SNX17: variants seen among roughly 807,000 people sequenced by gnomAD.
SNX17 encodes the protein sorting nexin 17, also known as sorting nexin-17.
In SNX17, 35 loss-of-function variants were observed where a neutral mutation model predicts 64.3. The observed-to-expected ratio is 0.54, with a 90% CI of 0.42 to 0.72. The LOEUF is 0.72. Among genes scored for constraint, SNX17 ranks in the 30% least tolerant of loss-of-function variants. The pLI, the probability that SNX17 is intolerant of heterozygous loss-of-function variation, is 0.00. For missense variants in SNX17, 538 were observed against 610.0 expected (o/e 0.88, Z 1.24); for synonymous variants, 259 against 230.2 (o/e 1.13, Z -1.13).
In SNX17 at chr2:27,371,645, G is replaced by C. The variant is rs1401578219; in HGVS notation, c.138+302G>C. The C allele has an allele frequency of 2.2e-5, 6 of 277,790 alleles. No individual in the cohort carries two copies. In the East Asian group the frequency reaches 4.4e-4, roughly 20 times the overall value. 17.2% of individuals were successfully genotyped at this position (277,790 alleles called of 1,614,324 possible). Reference sequence around the variant, plus strand: ...CCCCTCCCCCCACTACCTCCACCCAGGCTGTCAAAGCACATTCCTTCTGTC... The same window carrying C: ...CCCCTCCCCCCACTACCTCCACCCACGCTGTCAAAGCACATTCCTTCTGTC... On this transcript the variant is annotated intron_variant, in intron 2 of 14. Transcript: ENST00000233575.
Position 27,373,255 on chromosome 2 carries a change from G to A in SNX17, c.265G>A (p.Asp89Asn). Reference protein sequence around the residue: ...LEKYMQAVRQDPLLGSSETFN... With the variant: ...LEKYMQAVRQNPLLGSSETFN... ...TTCTCTTGTCCTCGTAGTTCGGCAA[G>A]ACCCATTGCTTGGGAGCAGCGAGAC... Residue 89 changes from aspartate (D) to asparagine (N), a missense_variant, in exon 4 of 15, where the codon GAC becomes AAC. Coordinates refer to ENST00000233575, the MANE Select transcript of SNX17 (RefSeq NM_014748.4). 6.2e-7 allele frequency: 1 copy of A among 1,614,226 alleles called. No homozygotes were observed. Among genetic ancestry groups the A allele is most frequent in the Non-Finnish European group, 8.5e-7 (1 of 1,180,040 alleles).
rs1683273085 is a variant in SNX17 at position 27,376,606 on chromosome 2, A to G, written c.1300A>G (p.Ser434Gly). ...ATRESMVKLSSKLSAVSLRGI... is the reference protein window; with the variant it reads ...ATRESMVKLSGKLSAVSLRGI... ...TGACCCCACCCTGCCTTTGTTACAG[A>G]GTAAGCTGAGTGCCGTGAGCTTGCG... The change falls in exon 15 of 15, where the codon AGT becomes GGT. Residue 434 changes from serine to glycine, a missense_variant and splice_region_variant. Physicochemically the swap from Ser to Gly is moderately conservative, Grantham distance 56. Around this residue, in one of 3 missense-constraint regions of SNX17, gnomAD observed 505 missense variants for 550.4 expected, o/e 0.92. Transcript: ENST00000233575. 1 of 1,614,048 alleles carries G rather than the reference A, an allele frequency of 6.2e-7. No homozygotes were observed. The highest frequency in any genetic ancestry group is 1.3e-5 in the African/African-American group (1 of 74,932).
intron 3 of SNX17, 61 bp downstream of exon 3, chr2:27,372,801 C>G: frequency 6.3e-7 from 1 of 1,599,472 alleles, no homozygotes; most frequent in East Asian, 2.2e-5. Context: ...GACTTAAAAA[C>G]AGCTGGTTCT....
rs1322845723 is a variant in SNX17 at position 27,377,082 on chromosome 2, G to C, written c.*363G>C. On this transcript the variant is annotated 3_prime_UTR_variant, in exon 15 of 15. Transcript: ENST00000233575. This position sits in a 1 kb window ranked among gnomAD's most constrained non-coding sequence, Gnocchi z 4.4. The stretch of plus-strand genomic sequence containing the variant: ...AGGGGATGGGCAGAGGTCTGTGTTT[G>C]GTCTGGCCCAGTTCCCCATCATTAA... 3 of 405,680 alleles carry C rather than the reference G, an allele frequency of 7.4e-6. No individual in the cohort carries two copies. In the Admixed American group the frequency reaches 1.1e-4, roughly 15 times the overall value. 25.1% of individuals were successfully genotyped at this position (405,680 alleles called of 1,614,324 possible).
chr2:27,372,803 G>A (rs749875668), intron 3 of SNX17, 63 bp downstream of exon 3: 146 of 1,598,520 alleles, frequency 9.1e-5, no homozygotes, highest in Non-Finnish European at 1.2e-4. Flanking sequence ...CTTAAAAACA[G>A]CTGGTTCTGT....
At chr2:27,373,716 T>C in intron 4 of SNX17, 145 bp from the exon 5 acceptor site, 1 of 644,090 alleles carries the variant, frequency 1.6e-6, no homozygotes, top group Non-Finnish European at 2.8e-6. Context: ...GAATGGAACT[T>C]CTATTCTTAT....
At chr2:27,373,391 CT>C in intron 4 of SNX17, 80 bp downstream of exon 4, 1 of 1,479,008 alleles carries the variant, frequency 6.8e-7, no homozygotes, top group South Asian at 1.2e-5. Flanking sequence ...GAGACAGAGT[CT>C]TGCTCTTTTG....
chr2:27,370,687 G>T lies in SNX17; in HGVS notation c.-57G>T. On this transcript the variant is annotated 5_prime_UTR_variant, in exon 1 of 15. Transcript: ENST00000233575. ...TCGCTGAGCAGCGGAGGGGGAGCGT[G>T]CAGAGCCGCTGCGGCCCTCACAGTC... The T allele has an allele frequency of 6.6e-7, 1 of 1,509,398 alleles. No individual in the cohort carries two copies. The highest frequency in any genetic ancestry group is 8.9e-7 in the Non-Finnish European group (1 of 1,122,576). 93.5% of individuals were successfully genotyped at this position (1,509,398 alleles called of 1,614,324 possible).
intron 8 of SNX17, 87 bp from the exon 9 acceptor site, chr2:27,374,974 G>T: frequency 7.9e-7 from 1 of 1,258,710 alleles, no homozygotes; most frequent in Non-Finnish European, 1.2e-6. Context: ...TGGGGCTAGG[G>T]GTCAGGCTGG....
In SNX17 at chr2:27,377,414, G is replaced by GC. The variant is rs765209450; in HGVS notation, c.*702dup. On this transcript the variant is annotated 3_prime_UTR_variant, in exon 15 of 15. Coordinates refer to ENST00000233575, the MANE Select transcript of SNX17 (RefSeq NM_014748.4). This position sits in a 1 kb window ranked among gnomAD's most constrained non-coding sequence, Gnocchi z 4.4. ...AGGCAAGGTCCCCTGGTCCATATGG[G>GC]CCCCCCCGCCCATGGGGTTGGGCTG... The GC allele has an allele frequency of 3.2e-5, 32 of 1,010,792 alleles. No homozygotes were observed. Among genetic ancestry groups the GC allele is most frequent in the African/African-American group, 9.5e-5 (6 of 63,042 alleles). The allele number at this position is 1,010,792 out of a possible 1,614,324, so 62.6% of individuals were successfully genotyped here.
In SNX17 at chr2:27,374,901, A is replaced by G. The variant is rs1683009407; in HGVS notation, c.681+143A>G. ...TATCAGTGCTGCTGGCACAATATCT[A>G]CTCTCCCTACTTTTATTAAGCTGAC... On this transcript the variant is annotated intron_variant, in intron 8 of 14. Transcript: ENST00000233575. The G allele has an allele frequency of 4.2e-6, 4 of 955,606 alleles. No homozygotes were observed. In the East Asian group the frequency reaches 1.0e-4, roughly 24 times the overall value. 59.2% of individuals were successfully genotyped at this position (955,606 alleles called of 1,614,324 possible).
At chr2:27,370,836 G>GGGCAGGGGCGGGGATAACGGGCCC in intron 1 of SNX17, 30 bp downstream of exon 1, 38 of 1,532,184 alleles carry the variant, frequency 2.5e-5, no homozygotes, top group Non-Finnish European at 3.3e-5. Flanking sequence ...GAGCCGGGCC[G>GGGCAGGGGCGGGGATAACGGGCCC]GGCAGGGGCG....
At chr2:27,371,527 C>A in intron 2 of SNX17, 184 bp downstream of exon 2, 1 of 1,262,974 alleles carries the variant, frequency 7.9e-7, no homozygotes, top group Non-Finnish European at 1.0e-6. Context: ...AGCTTAATGT[C>A]CGCGCAACAA....
At chr2:27,372,954 T>G in intron 3 of SNX17, 1 of 1,332,442 alleles carries the variant, frequency 7.5e-7, no homozygotes, top group Non-Finnish European at 1.1e-6. Flanking sequence ...TGAGAAATAC[T>G]AGTATAACAC....
intron 2 of SNX17, among the ~76,000 whole-genome samples, 192 bp from the exon 3 acceptor site, chr2:27,372,431 A>T (rs1218420225): frequency 6.6e-6 from 1 of 152,186 alleles, no homozygotes; most frequent in East Asian, 1.9e-4. Flanking sequence ...ATAGAGCACA[A>T]CTTATATCTA....
chr2:27,370,627 A>G lies in SNX17; in HGVS notation c.-117A>G. ...CCACCGCCTTCCCACATCGGATCGCAGGGCTCCCAAAATGGCGAGTGAGGC... is the reference window on the plus strand; with the variant it reads ...CCACCGCCTTCCCACATCGGATCGCGGGGCTCCCAAAATGGCGAGTGAGGC... On this transcript the variant is annotated 5_prime_UTR_variant, in exon 1 of 15. Transcript: ENST00000233575. 1 of 1,455,882 alleles carries G rather than the reference A, an allele frequency of 6.9e-7. No homozygotes were observed. The highest frequency in any genetic ancestry group is 9.1e-7 in the Non-Finnish European group (1 of 1,103,390). 90.2% of individuals were successfully genotyped at this position (1,455,882 alleles called of 1,614,324 possible). A position where few individuals can be genotyped will look rare whatever the true frequency, so the allele number is the denominator to read the frequency against.
rs1558310110 is a variant in SNX17 at position 27,377,419 on chromosome 2, CCCG to C, written c.*703_*705del. 1 of 1,069,856 alleles carries C rather than the reference CCCG, an allele frequency of 9.3e-7. No individual in the cohort carries two copies. Among genetic ancestry groups the C allele is most frequent in the Non-Finnish European group, 1.4e-6 (1 of 717,036 alleles). 66.3% of individuals were successfully genotyped at this position (1,069,856 alleles called of 1,614,324 possible). On this transcript the variant is annotated 3_prime_UTR_variant, in exon 15 of 15. Transcript: ENST00000233575. The surrounding 1 kb of genome is among the most constrained non-coding windows in gnomAD (Gnocchi z 4.4). ...AGGTCCCCTGGTCCATATGGGCCCCCCCGCCCATGGGGTTGGGCTGGTCCTTAT... is the reference window on the plus strand; with the variant it reads ...AGGTCCCCTGGTCCATATGGGCCCCCCCCATGGGGTTGGGCTGGTCCTTAT...
intron 7 of SNX17, 36 bp downstream of exon 7, chr2:27,374,469 T>G (rs1572635862): frequency 6.4e-7 from 1 of 1,558,610 alleles, no homozygotes; most frequent in Non-Finnish European, 8.8e-7. Context: ...GGGTGGGAGG[T>G]GCTGTGCTGG....
At chr2:27,371,057 C>G (rs558352450) in intron 1 of SNX17, among the ~76,000 whole-genome samples, 1 of 152,264 alleles carries the variant, frequency 6.6e-6, no homozygotes, top group Non-Finnish European at 1.5e-5. Flanking sequence ...CGTCACTGGC[C>G]TCTTGGGCAG....
Sources: allele counts gnomAD v4.1 joint callset (sites outside exome capture counted in the v4.1 genomes callset), GRCh38; gene constraint gnomAD v4.1.1; regional missense constraint gnomAD v4.1.1; non-coding constraint Gnocchi (gnomAD v3.1); transcripts MANE v1.5; gene names NCBI Gene and HGNC (gene_info 2026-07-23, HGNC 2026-07-21).